The following ULK4 variants were observed in gnomAD, a reference collection of about 807,000 sequenced individuals.
ULK4 encodes inactive serine/threonine-protein kinase ULK4.
In ULK4, 133 loss-of-function variants were observed where a neutral mutation model predicts 160.6. The observed-to-expected ratio is 0.83, with a 90% CI of 0.72 to 0.96. The LOEUF is 0.96. Ranked by LOEUF, ULK4 falls within the 40% of genes least tolerant of loss-of-function variation. The pLI, the probability that ULK4 is intolerant of heterozygous loss-of-function variation, is 0.00. For synonymous variants in ULK4, 534 were observed against 539.8 expected (o/e 0.99, Z 0.15); for missense variants, 1,580 against 1,499.5 (o/e 1.05, Z -0.89).
chr3:41,820,999 T>C (rs1439755754), intron 18 of ULK4, among the ~76,000 whole-genome samples: 1 of 152,150 alleles, frequency 6.6e-6, no homozygotes, highest in Non-Finnish European at 1.5e-5. Flanking sequence ...CCTTCCCTTA[T>C]TCTTCCCTTA....
At position 41,638,335 on chromosome 3, in the gene ULK4, T is replaced by C. The variant is rs921093750; in HGVS notation, c.3072-22618A>G. The stretch of plus-strand genomic sequence containing the variant: ...TACTCTCTGTCGGAATTTCAAGATA[T>C]CTAATAAAACCTGTCCCTAAAAACT... On this transcript the variant is annotated intron_variant, in intron 30 of 36. Coordinates refer to ENST00000301831, the MANE Select transcript of ULK4 (RefSeq NM_017886.4). Among the ~76,000 whole-genome samples the C allele has an allele frequency of 2.0e-5, 3 of 152,072 alleles. No homozygotes were observed. The East Asian group carries it at 5.8e-4, about 29-fold the overall frequency.
chr3:41,648,134 A>G (rs1450830007), intron 30 of ULK4, among the ~76,000 whole-genome samples: 2 of 152,106 alleles, frequency 1.3e-5, no homozygotes, highest in African/African-American at 4.8e-5. Flanking sequence ...GAACTCCCTG[A>G]CCCCTTGCGC....
intron 31 of ULK4, among the ~76,000 whole-genome samples, chr3:41,570,857 A>G (rs1331148092): frequency 1.3e-5 from 2 of 152,142 alleles, no homozygotes; most frequent in Non-Finnish European, 2.9e-5. Flanking sequence ...GAGTCACTGA[A>G]GAATAAAGGC....
chr3:41,800,682 C>A (rs1332757840), intron 19 of ULK4, among the ~76,000 whole-genome samples: 2 of 152,276 alleles, frequency 1.3e-5, no homozygotes, highest in Non-Finnish European at 1.5e-5. Context: ...GAATAATCCT[C>A]AGAAGTCATT....
Position 41,414,022 on chromosome 3 carries a change from T to C in ULK4, c.3493-15758A>G, listed in dbSNP as rs943646906. On this transcript the variant is annotated intron_variant, in intron 34 of 36. Transcript: ENST00000301831. ...GAGTTCGAGACCAGCCTGACCAACA[T>C]GGAGAAACCCCGTCTCTACTTAAAA... is the stretch of plus-strand genomic sequence containing the variant. Among the ~76,000 whole-genome samples, 7 of 152,252 alleles carry C rather than the reference T, an allele frequency of 4.6e-5. 1 individual carries two copies. The highest frequency in any genetic ancestry group is 7.2e-5 in the African/African-American group (3 of 41,556).
At chr3:41,567,212 G>C (rs75689971) in intron 31 of ULK4, among the ~76,000 whole-genome samples, 372 of 152,202 alleles carry the variant, frequency 2.4e-3, no homozygotes, top group East Asian at 0.013. Context: ...AGGCACTGTA[G>C]TAGGCACTTG....
At chr3:41,272,220 G>C in intron 35 of ULK4, among the ~76,000 whole-genome samples, 1 of 151,964 alleles carries the variant, frequency 6.6e-6, no homozygotes, top group Non-Finnish European at 1.5e-5. Context: ...CCTGGCCCCA[G>C]ATTTTAATTT....
At chr3:41,757,455 AC>A (rs1359498562) in intron 21 of ULK4, among the ~76,000 whole-genome samples, 1 of 151,554 alleles carries the variant, frequency 6.6e-6, no homozygotes, top group African/African-American at 2.4e-5. Context: ...ACACAGTGAA[AC>A]CCCGTCTCTA....
At chr3:41,401,374 C>T (rs1248960619) in intron 34 of ULK4, among the ~76,000 whole-genome samples, 1 of 152,038 alleles carries the variant, frequency 6.6e-6, no homozygotes, top group Non-Finnish European at 1.5e-5. Flanking sequence ...CCAATTGCTC[C>T]AGCACCATTC....
chr3:41,556,928 C>T (rs1469603866), intron 32 of ULK4, among the ~76,000 whole-genome samples: 1 of 152,024 alleles, frequency 6.6e-6, no homozygotes, highest in Non-Finnish European at 1.5e-5. Flanking sequence ...CAAAAATGAA[C>T]AAACAAAATC....
At chr3:41,332,523 G>A (rs1311727010) in intron 35 of ULK4, among the ~76,000 whole-genome samples, 2 of 152,200 alleles carry the variant, frequency 1.3e-5, no homozygotes, top group Non-Finnish European at 2.9e-5. Flanking sequence ...GCTTTGCTTG[G>A]ATGAGCAGAT....
intron 35 of ULK4, among the ~76,000 whole-genome samples, chr3:41,364,983 T>G (rs2081227433): frequency 6.6e-6 from 1 of 152,208 alleles, no homozygotes; most frequent in Non-Finnish European, 1.5e-5. Flanking sequence ...AGATTCTGAA[T>G]TTCAAATAGG....
chr3:41,252,424 AAGG>A (rs2078759062), intron 35 of ULK4, among the ~76,000 whole-genome samples: 2 of 152,286 alleles, frequency 1.3e-5, no homozygotes, highest in African/African-American at 4.8e-5. Flanking sequence ...ATCAGTAAAA[AAGG>A]AGAATATAGC....
chr3:41,644,521 C>A (rs1281746254), intron 30 of ULK4, among the ~76,000 whole-genome samples: 1 of 152,276 alleles, frequency 6.6e-6, no homozygotes, highest in Admixed American at 6.5e-5. Flanking sequence ...ATTGAACCAG[C>A]CTTGCATCCC....
Position 41,615,731 on chromosome 3 carries a change from GA to G in ULK4, c.3072-15del, listed in dbSNP as rs770219630. 2.8e-5 allele frequency: 45 copies of G among 1,609,394 alleles called. 1 individual carries two copies. The highest frequency in any genetic ancestry group is 3.3e-4 in the Middle Eastern group (2 of 6,020). ...TCTTCCACAAGTCTGTTAAAAACAA[GA>G]AAAAAAGATAAGTGCACATTAGACA... On this transcript the variant is annotated splice_polypyrimidine_tract_variant and intron_variant, in intron 30 of 36. Coordinates refer to ENST00000301831, the MANE Select transcript of ULK4 (RefSeq NM_017886.4).
chr3:41,854,695 G>C (rs1174997418), intron 17 of ULK4, among the ~76,000 whole-genome samples: 2 of 152,026 alleles, frequency 1.3e-5, no homozygotes, highest in African/African-American at 4.8e-5. Flanking sequence ...TAGACCTAGA[G>C]CTCCCCAAGT....
intron 32 of ULK4, among the ~76,000 whole-genome samples, chr3:41,556,868 G>A (rs987100798): frequency 6.6e-6 from 1 of 151,958 alleles, no homozygotes; most frequent in African/African-American, 2.4e-5. Context: ...TTTTAATGAA[G>A]CAATATAGCA....
chr3:41,417,155 G>A (rs1295438444), intron 34 of ULK4, among the ~76,000 whole-genome samples: 1 of 152,204 alleles, frequency 6.6e-6, no homozygotes, highest in Non-Finnish European at 1.5e-5. Flanking sequence ...CGTTGATGCA[G>A]TGAAGCATTC....
chr3:41,740,762 A>C (rs2038215801), intron 22 of ULK4, among the ~76,000 whole-genome samples: 1 of 151,982 alleles, frequency 6.6e-6, no homozygotes, highest in Non-Finnish European at 1.5e-5. Context: ...TGATTTGTTC[A>C]GGACTCCAGT....
Sources: gnomAD v4.1 joint callset for allele counts (sites outside exome capture counted in the v4.1 genomes callset) on GRCh38, gnomAD v4.1.1 for gene constraint, MANE v1.5 for transcripts, NCBI Gene and HGNC (gene_info 2026-07-23, HGNC 2026-07-21) for gene names.